TMEM263: variants seen among roughly 807,000 people sequenced by gnomAD.
TMEM263 encodes the protein UPF0444 transmembrane protein C12orf23.
Under a neutral mutation model 8.6 loss-of-function variants are expected in TMEM263, and 5 were observed. The ratio of observed to expected loss-of-function variants is 0.58; its 90% CI spans 0.31 to 1.23. TMEM263 has a LOEUF of 1.23. Among genes scored for constraint, TMEM263 ranks in the 50% most tolerant of loss-of-function variants. TMEM263 has a pLI of 0.07. For missense variants in TMEM263, 104 were observed against 138.8 expected (o/e 0.75, Z 1.26); for synonymous variants, 50 against 47.9 (o/e 1.04, Z -0.18).
chr12:106,968,007 C>T lies in TMEM263; in HGVS notation c.64+827C>T, dbSNP rs956330087. 5.3e-5 allele frequency among the ~76,000 whole-genome samples: 8 copies of T among 152,236 alleles called. No homozygotes were observed. In the South Asian group the frequency reaches 1.5e-3, roughly 28 times the overall value. ...GTTATCATGAATCATTTTAATTCTT[C>T]AGAAACCCTTGGAAACACACCTGAA... On this transcript the variant is annotated intron_variant, in intron 3 of 3. Coordinates refer to ENST00000280756, the MANE Select transcript of TMEM263 (RefSeq NM_152261.4).
intron 1 of TMEM263, among the ~76,000 whole-genome samples, 167 bp downstream of exon 1, chr12:106,956,232 T>G (rs1465333194): frequency 4.6e-5 from 7 of 152,066 alleles, no homozygotes; most frequent in Non-Finnish European, 1.0e-4. Flanking sequence ...CGGGACGAAG[T>G]TGGGGGCGGA....
chr12:106,960,994 A>G (rs1180831495), intron 2 of TMEM263, among the ~76,000 whole-genome samples: 8 of 151,892 alleles, frequency 5.3e-5, no homozygotes, highest in African/African-American at 1.9e-4. Context: ...GTATATGCGG[A>G]TACTTCTCTT....
At chr12:106,965,919 C>T (rs1951839622) in intron 2 of TMEM263, among the ~76,000 whole-genome samples, 1 of 152,076 alleles carries the variant, frequency 6.6e-6, no homozygotes, top group South Asian at 2.1e-4. Flanking sequence ...GTGGTGTCAT[C>T]ATTACAAGAG....
chr12:106,959,746 A>G (rs1220534613), intron 2 of TMEM263, among the ~76,000 whole-genome samples: 1 of 152,222 alleles, frequency 6.6e-6, no homozygotes, highest in Admixed American at 6.5e-5. Context: ...ATAAAGAGGT[A>G]ATATCACTAA....
intron 2 of TMEM263, among the ~76,000 whole-genome samples, chr12:106,964,036 G>A (rs1414124331): frequency 6.6e-6 from 1 of 152,070 alleles, no homozygotes; most frequent in Non-Finnish European, 1.5e-5. Context: ...TGATCTCCTG[G>A]ATTTGTGTCT....
At chr12:106,957,398 T>G (rs142965135) in intron 2 of TMEM263, among the ~76,000 whole-genome samples, 41 of 152,236 alleles carry the variant, frequency 2.7e-4, no homozygotes, top group African/African-American at 9.6e-4. Flanking sequence ...CGTTAGAAAT[T>G]ATAACGGTTG....
At position 106,973,782 on chromosome 12, in the gene TMEM263, T is replaced by A. The variant is rs919918420; in HGVS notation, c.*2391T>A. On this transcript the variant is annotated 3_prime_UTR_variant, in exon 4 of 4. Coordinates refer to ENST00000280756, the MANE Select transcript of TMEM263 (RefSeq NM_152261.4). The stretch of plus-strand genomic sequence containing the variant: ...GTATACACCTGGAGGCATCTGTTAT[T>A]CAGCTTATCCTTTGAGTGGGTATTT... 1 of 152,682 alleles carries A rather than the reference T, an allele frequency of 6.5e-6. No homozygotes were observed. The highest frequency in any genetic ancestry group is 1.5e-5 in the Non-Finnish European group (1 of 68,042). The allele number at this position is 152,682 out of a possible 1,614,324, so 9.5% of individuals were successfully genotyped here. A position where few individuals can be genotyped will look rare whatever the true frequency, so the allele number is the denominator to read the frequency against.
rs1022356383 is a variant in TMEM263, at chr12:106,972,339, C to A, written c.*948C>A. 12 of 151,978 alleles carry A rather than the reference C, an allele frequency of 7.9e-5. No individual in the cohort carries two copies. Among genetic ancestry groups the A allele is most frequent in the African/African-American group, 2.9e-4 (12 of 41,362 alleles). The allele number at this position is 151,978 out of a possible 1,614,324, so 9.4% of individuals were successfully genotyped here. A position where few individuals can be genotyped will look rare whatever the true frequency, so the allele number is the denominator to read the frequency against. On this transcript the variant is annotated 3_prime_UTR_variant, in exon 4 of 4. Coordinates refer to ENST00000280756, the MANE Select transcript of TMEM263 (RefSeq NM_152261.4). ...AGTTCTTAAAAATTACCTAAAACAC[C>A]CCAAATATAAAAAGAAGCCTTCACA... is the stretch of plus-strand genomic sequence containing the variant.
intron 2 of TMEM263, among the ~76,000 whole-genome samples, chr12:106,962,015 T>G (rs1778545039): frequency 6.6e-6 from 1 of 152,242 alleles, no homozygotes; most frequent in African/African-American, 2.4e-5. Context: ...TTTCCAAGAC[T>G]TGAAAATATG....
At chr12:106,965,263 C>T (rs1566224035) in intron 2 of TMEM263, among the ~76,000 whole-genome samples, 1 of 152,120 alleles carries the variant, frequency 6.6e-6, no homozygotes, top group African/African-American at 2.4e-5. Flanking sequence ...TGAGTGTCAT[C>T]GCAGTAAAGC....
Position 106,955,915 on chromosome 12 carries a change from C to G in TMEM263, c.-225C>G. 3.0e-6 allele frequency: 3 copies of G among 985,708 alleles called. No individual in the cohort carries two copies. Among genetic ancestry groups the G allele is most frequent in the Non-Finnish European group, 3.6e-6 (3 of 830,212 alleles). 61.1% of individuals were successfully genotyped at this position (985,708 alleles called of 1,614,324 possible). ...CCTCCACCACCGCCGCCACAGTCTT[C>G]CAGCTCCACATCCTGAGAGGACGCC... is the stretch of plus-strand genomic sequence containing the variant. On this transcript the variant is annotated 5_prime_UTR_variant, in exon 1 of 4. Transcript: ENST00000280756.
At chr12:106,956,990 T>C in intron 1 of TMEM263, 92 bp from the exon 2 acceptor site, 1 of 801,010 alleles carries the variant, frequency 1.2e-6, no homozygotes, top group Non-Finnish European at 1.5e-6. Context: ...GGAAGGGTTC[T>C]TAATTTGATT....
chr12:106,966,890 TG>T (rs1471981798), intron 2 of TMEM263: 1 of 438,776 alleles, frequency 2.3e-6, no homozygotes, highest in African/African-American at 2.1e-5. Flanking sequence ...CTTTGGTGAG[TG>T]TTTCACATAA....
rs1951914925 is a variant in TMEM263, at chr12:106,971,122, C to T, written c.82C>T (p.Pro28Ser). The T allele has an allele frequency of 8.7e-6, 14 of 1,613,872 alleles. No homozygotes were observed. The highest frequency in any genetic ancestry group is 1.7e-5 in the Admixed American group (1 of 59,980). ...EPPEGSMKDH[P>S]QQQPGMLSRV... ...CTCATTAGGTTCAATGAAAGATCAC[C>T]CACAGCAGCAGCCAGGCATGTTGTC... The change falls in exon 4 of 4, where the codon CCA becomes TCA. Residue 28 changes from proline to serine, a missense_variant. By Grantham distance (74) the Pro-to-Ser change is moderately conservative. Transcript: ENST00000280756.
chr12:106,965,496 A>G (rs1951831657), intron 2 of TMEM263, among the ~76,000 whole-genome samples: 2 of 145,488 alleles, frequency 1.4e-5, no homozygotes, highest in South Asian at 4.3e-4. Flanking sequence ...AGTCCCAGCT[A>G]CTCGGGAGGC....
intron 3 of TMEM263, among the ~76,000 whole-genome samples, chr12:106,969,725 CA>C (rs61146766): frequency 0.24 from 22,260 of 92,976 alleles, 1,607 homozygotes; most frequent in Middle Eastern, 0.34. Context: ...GACTCTGTCT[CA>C]AAAAAAAAAA....
chr12:106,970,797 GTTAT>G (rs1265178051), intron 3 of TMEM263, among the ~76,000 whole-genome samples: 2 of 152,226 alleles, frequency 1.3e-5, no homozygotes, highest in East Asian at 1.9e-4. Context: ...TAAAATAAAG[GTTAT>G]TTGTTAACAA....
In TMEM263 at chr12:106,963,990, T is replaced by C. The variant is rs555590573; in HGVS notation, c.-6-3121T>C. Among the ~76,000 whole-genome samples, 198 of 152,284 alleles carry C rather than the reference T, an allele frequency of 1.3e-3. 2 individuals are homozygous for C. The highest frequency in any genetic ancestry group is 4.5e-3 in the African/African-American group (189 of 41,562). On this transcript the variant is annotated intron_variant, in intron 2 of 3. Transcript: ENST00000280756. Reference sequence around the variant, plus strand: ...ATATGTAATTTCCCATATTTCTCTATAGGGTATGGTACCTTCTGTTGATTG... The same window carrying C: ...ATATGTAATTTCCCATATTTCTCTACAGGGTATGGTACCTTCTGTTGATTG...
rs1951951653 is a variant in TMEM263, at chr12:106,973,353, TC to T, written c.*1963del. On this transcript the variant is annotated 3_prime_UTR_variant, in exon 4 of 4. Transcript: ENST00000280756. Reference sequence around the variant, plus strand: ...TCATTGCTAGTTTGTATTTCTAACTTCTACAGTTATAGACTCCACTGTGCTT... The same window carrying T: ...TCATTGCTAGTTTGTATTTCTAACTTTACAGTTATAGACTCCACTGTGCTT... 1.3e-5 allele frequency: 2 copies of T among 152,616 alleles called. No homozygotes were observed. The highest frequency in any genetic ancestry group is 2.9e-5 in the Non-Finnish European group (2 of 68,014). 9.5% of individuals were successfully genotyped at this position (152,616 alleles called of 1,614,324 possible).
Sources: allele counts gnomAD v4.1 joint callset (sites outside exome capture counted in the v4.1 genomes callset), GRCh38; gene constraint gnomAD v4.1.1; transcripts MANE v1.5; gene names NCBI Gene and HGNC (gene_info 2026-07-23, HGNC 2026-07-21).